DHX36: variants seen among roughly 807,000 people sequenced by gnomAD.
The protein encoded by DHX36 is DEAH-box helicase 36.
In DHX36, 50 loss-of-function variants were observed where a neutral mutation model predicts 139.0. The observed-to-expected ratio is 0.36, with a 90% CI of 0.29 to 0.46. The LOEUF is 0.46. Among genes scored for constraint, DHX36 ranks in the 20% least tolerant of loss-of-function variants. The pLI, the probability that DHX36 is intolerant of heterozygous loss-of-function variation, is 1.00. For missense variants in DHX36, 1,024 were observed against 1,211.3 expected (o/e 0.85, Z 2.29); for synonymous variants, 425 against 401.9 (o/e 1.06, Z -0.69).
At chr3:154,291,167 C>G (rs1030762967) in intron 15 of DHX36, among the ~76,000 whole-genome samples, 2 of 133,158 alleles carry the variant, frequency 1.5e-5, no homozygotes, top group Non-Finnish European at 3.2e-5. Context: ...AAAAAGAGTA[C>G]CTCCATTGAA....
chr3:154,277,780 T>C, intron 22 of DHX36, 62 bp from the exon 23 acceptor site: 1 of 1,434,518 alleles, frequency 7.0e-7, no homozygotes, highest in Non-Finnish European at 9.3e-7. Context: ...TTTCTTTTTT[T>C]ACACTACTTG....
At chr3:154,279,226 T>A (rs1719255924) in intron 22 of DHX36, 1 of 152,100 alleles carries the variant, frequency 6.6e-6, no homozygotes. Flanking sequence ...ACTCTGCTAG[T>A]GTAGAAGGAA....
chr3:154,277,924 T>C (rs929117151), intron 22 of DHX36: 19 of 392,752 alleles, frequency 4.8e-5, no homozygotes, highest in Non-Finnish European at 3.6e-5. Flanking sequence ...CTTAAAAATA[T>C]ATGAAAAAAT....
intron 1 of DHX36, among the ~76,000 whole-genome samples, chr3:154,321,251 C>T (rs1239030995): frequency 6.6e-6 from 1 of 152,192 alleles, no homozygotes; most frequent in African/African-American, 2.4e-5. Context: ...GCCCTAACCT[C>T]ATCTCAATAC....
rs1424927719 is a variant in DHX36 at position 154,291,157 on chromosome 3, A to AAAT, written c.1815-1332_1815-1331insATT. Reference sequence around the variant, plus strand: ...CTCAAAAAAAAAAAAAAAAAAAAAAAAAAAGAGTACCTCCATTGAAAGCCA... The same window carrying AAAT: ...CTCAAAAAAAAAAAAAAAAAAAAAAAAATAAAAGAGTACCTCCATTGAAAGCCA... On this transcript the variant is annotated intron_variant, in intron 15 of 24. Coordinates refer to ENST00000496811, the MANE Select transcript of DHX36 (RefSeq NM_020865.3). 7.8e-4 allele frequency among the ~76,000 whole-genome samples: 113 copies of AAAT among 144,590 alleles called. 1 individual carries two copies. The highest frequency in any genetic ancestry group is 2.8e-3 in the African/African-American group (110 of 38,806). The allele number at this position is 144,590 out of a possible 152,430, so 94.9% of individuals were successfully genotyped here.
chr3:154,276,412 A>G (rs1370143837), intron 24 of DHX36, 56 bp from the exon 25 acceptor site: 157 of 1,486,388 alleles, frequency 1.1e-4, no homozygotes, highest in Middle Eastern at 1.9e-4. Context: ...ACCAAATAAC[A>G]TAATAAATGA....
In DHX36 at chr3:154,275,662, G is replaced by C. The variant is rs1014444635; in HGVS notation, c.*509C>G. 6.6e-6 allele frequency: 1 copy of C among 152,560 alleles called. No individual in the cohort carries two copies. Among genetic ancestry groups the C allele is most frequent in the South Asian group, 2.1e-4 (1 of 4,832 alleles). 9.5% of individuals were successfully genotyped at this position (152,560 alleles called of 1,614,324 possible). On this transcript the variant is annotated 3_prime_UTR_variant, in exon 25 of 25. Transcript: ENST00000496811. ...GAAAATGTAGAAACCAATCCAAGAGGTTGGCTGAGATTTAACATTGTACAT... is the reference window on the plus strand; with the variant it reads ...GAAAATGTAGAAACCAATCCAAGAGCTTGGCTGAGATTTAACATTGTACAT...
rs777044563 is a variant in DHX36 at position 154,276,251 on chromosome 3, T to C, written c.2947A>G (p.Ile983Val). Residue 983 changes from isoleucine (I) to valine (V), a missense_variant, in exon 25 of 25, where the codon ATT becomes GTT. Physicochemically the swap from Ile to Val is conservative, Grantham distance 29. Around this residue, in one of 4 missense-constraint regions of DHX36, gnomAD observed 470 missense variants for 616.2 expected, o/e 0.76. Coordinates refer to ENST00000496811, the MANE Select transcript of DHX36 (RefSeq NM_020865.3). ...TCCTGTGTTTTGATCAAGTCTATAA[T>C]AGCTGACAGTACTGCACAGTCTCTG... Reference protein sequence around the residue: ...KSRDCAVLSAIIDLIKTQEKA... With the variant: ...KSRDCAVLSAVIDLIKTQEKA... The C allele has an allele frequency of 6.2e-7, 1 of 1,613,896 alleles. No homozygotes were observed. Among genetic ancestry groups the C allele is most frequent in the Non-Finnish European group, 8.5e-7 (1 of 1,179,902 alleles).
rs916111435 is a variant in DHX36 at position 154,273,561 on chromosome 3, T to C, written c.*2610A>G. On this transcript the variant is annotated 3_prime_UTR_variant, in exon 25 of 25. Transcript: ENST00000496811. The stretch of plus-strand genomic sequence containing the variant: ...CTCTTACAGAGCAAGAAAGACCAGA[T>C]GGTCACCTCGACGTTAGAGGCAAAA... 2.0e-5 allele frequency: 3 copies of C among 152,214 alleles called. No individual in the cohort carries two copies. The highest frequency in any genetic ancestry group is 1.9e-4 in the East Asian group (1 of 5,200). 9.4% of individuals were successfully genotyped at this position (152,214 alleles called of 1,614,324 possible).
chr3:154,285,146 T>C (rs566382036), intron 17 of DHX36, among the ~76,000 whole-genome samples, 159 bp from the exon 18 acceptor site: 3 of 152,300 alleles, frequency 2.0e-5, no homozygotes, highest in South Asian at 4.1e-4. Context: ...AAAACATAAG[T>C]TGTGAGGTCA....
At chr3:154,293,840 A>G (rs764065738) in intron 13 of DHX36, 28 bp from the exon 14 acceptor site, 7 of 1,507,786 alleles carry the variant, frequency 4.6e-6, no homozygotes, top group Non-Finnish European at 6.5e-6. Context: ...TCAGAATCAC[A>G]AAAGTACACT....
chr3:154,293,793 G>C lies in DHX36; in HGVS notation c.1625C>G (p.Pro542Arg). Residue 542 changes from proline to arginine, a missense_variant, in exon 14 of 25, where the codon CCT becomes CGT. Around this residue, in one of 4 missense-constraint regions of DHX36, gnomAD observed 470 missense variants for 616.2 expected, o/e 0.76. Transcript: ENST00000496811. ...NQTQVFKRTP[P>R]GVRKIVIATN... Reference sequence around the variant, plus strand: ...AGCAATTACTATTTTCCGAACACCAGGAGGGGTTCTTTTAAACACCTGTAA... The same window carrying C: ...AGCAATTACTATTTTCCGAACACCACGAGGGGTTCTTTTAAACACCTGTAA... The C allele has an allele frequency of 6.2e-7, 1 of 1,612,756 alleles. No homozygotes were observed. Among genetic ancestry groups the C allele is most frequent in the East Asian group, 2.2e-5 (1 of 44,784 alleles).
chr3:154,315,796 G>C (rs1345737657), intron 2 of DHX36, among the ~76,000 whole-genome samples: 1 of 151,978 alleles, frequency 6.6e-6, no homozygotes, highest in African/African-American at 2.4e-5. Context: ...CAGGTAGGGA[G>C]AACAATAAAT....
chr3:154,281,745 C>T (rs956169862), intron 20 of DHX36, among the ~76,000 whole-genome samples: 1 of 152,202 alleles, frequency 6.6e-6, no homozygotes, highest in East Asian at 1.9e-4. Flanking sequence ...TTTTCTGACA[C>T]CTGACTTTCT....
intron 5 of DHX36, among the ~76,000 whole-genome samples, chr3:154,309,229 T>TAAA (rs998790893): frequency 7.0e-6 from 1 of 143,542 alleles, no homozygotes; most frequent in Non-Finnish European, 1.5e-5. Flanking sequence ...AAATGCAGCT[T>TAAA]AAAAAAAAAA....
chr3:154,278,162 C>T (rs1470594133), intron 22 of DHX36, among the ~76,000 whole-genome samples: 2 of 151,974 alleles, frequency 1.3e-5, no homozygotes, highest in African/African-American at 4.8e-5. Flanking sequence ...CCTTGATTTA[C>T]AAAATAACTG....
intron 5 of DHX36, among the ~76,000 whole-genome samples, chr3:154,307,737 T>C (rs1712558647): frequency 6.6e-6 from 1 of 151,728 alleles, no homozygotes; most frequent in South Asian, 2.1e-4. Flanking sequence ...AATAGAGCTA[T>C]CATTTGATCC....
rs757242854 is a variant in DHX36 at position 154,324,437 on chromosome 3, C to G, written c.-21G>C. 2.1e-6 allele frequency: 3 copies of G among 1,463,362 alleles called. No individual in the cohort carries two copies. The East Asian group carries it at 7.4e-5, about 36-fold the overall frequency. The allele number at this position is 1,463,362 out of a possible 1,614,324, so 90.6% of individuals were successfully genotyped here. On this transcript the variant is annotated 5_prime_UTR_variant, in exon 1 of 25. Transcript: ENST00000496811. ...CTCATTGTCCTGGCAGACTACAACCCGTCAGAACCAGCAACCGCTGGAAAT... is the reference window on the plus strand; with the variant it reads ...CTCATTGTCCTGGCAGACTACAACCGGTCAGAACCAGCAACCGCTGGAAAT...
intron 24 of DHX36, 130 bp downstream of exon 24, chr3:154,276,617 A>G: frequency 9.2e-7 from 1 of 1,083,196 alleles, no homozygotes; most frequent in Non-Finnish European, 1.3e-6. Flanking sequence ...ACCAGGAATC[A>G]TTTTTTCAAA....
Sources: gnomAD v4.1 joint callset for allele counts (sites outside exome capture counted in the v4.1 genomes callset) on GRCh38, gnomAD v4.1.1 for gene constraint, gnomAD v4.1.1 regional missense constraint, MANE v1.5 for transcripts, NCBI Gene and HGNC (gene_info 2026-07-23, HGNC 2026-07-21) for gene names.